Variants in SPOCK3 observed in about 807,000 individuals in gnomAD.
The protein encoded by SPOCK3 is testican-3.
SPOCK3 carries 30 observed loss-of-function variants against 56.6 expected under a neutral mutation model. The observed-to-expected ratio is 0.53, with a 90% CI of 0.40 to 0.72. SPOCK3 has a LOEUF of 0.72. Among genes scored for constraint, SPOCK3 ranks in the 30% least tolerant of loss-of-function variants. The probability of loss-of-function intolerance (pLI) is 0.00; values close to 1 mark genes in which losing one functional copy is unlikely to be tolerated. For missense variants in SPOCK3, 527 were observed against 530.0 expected (o/e 0.99, Z 0.06); for synonymous variants, 196 against 183.3 (o/e 1.07, Z -0.56).
At chr4:166,900,564 G>A (rs1735931094) in intron 5 of SPOCK3, among the ~76,000 whole-genome samples, 1 of 152,124 alleles carries the variant, frequency 6.6e-6, no homozygotes, top group African/African-American at 2.4e-5. Context: ...TTCCCTGCCA[G>A]CAACTGCAGG....
intron 10 of SPOCK3, among the ~76,000 whole-genome samples, chr4:166,736,553 G>A (rs972898818): frequency 6.6e-6 from 1 of 151,904 alleles, no homozygotes; most frequent in Non-Finnish European, 1.5e-5. Flanking sequence ...TACTTTTATT[G>A]TTTATCTTTT....
intron 2 of SPOCK3, among the ~76,000 whole-genome samples, chr4:167,127,044 A>C (rs887234114): frequency 1.3e-5 from 2 of 152,148 alleles, no homozygotes; most frequent in African/African-American, 4.8e-5. Flanking sequence ...ACCATTATGG[A>C]CCAGCAATAG....
chr4:166,934,405 G>A (rs975789362), intron 4 of SPOCK3, among the ~76,000 whole-genome samples: 1 of 151,784 alleles, frequency 6.6e-6, no homozygotes, highest in African/African-American at 2.4e-5. Flanking sequence ...GGCTGAGGCA[G>A]CAGAATGGCG....
chr4:166,823,422 C>A (rs1745142010), intron 6 of SPOCK3, among the ~76,000 whole-genome samples: 1 of 152,028 alleles, frequency 6.6e-6, no homozygotes, highest in African/African-American at 2.4e-5. Flanking sequence ...AAGAGGTAAA[C>A]TTTCATTGTG....
intron 4 of SPOCK3, among the ~76,000 whole-genome samples, chr4:166,972,907 A>G (rs1178969792): frequency 6.6e-6 from 1 of 152,208 alleles, no homozygotes; most frequent in Non-Finnish European, 1.5e-5. Flanking sequence ...AGTAGTTTGG[A>G]TAAACTTGGA....
intron 2 of SPOCK3, among the ~76,000 whole-genome samples, chr4:167,197,909 C>CT (rs1733119237): frequency 6.6e-6 from 1 of 152,130 alleles, no homozygotes. Context: ...TCATTCTCTC[C>CT]GATTCCAAAA....
chr4:166,844,444 AT>A (rs1240481189), intron 6 of SPOCK3, among the ~76,000 whole-genome samples: 2 of 152,160 alleles, frequency 1.3e-5, no homozygotes, highest in African/African-American at 2.4e-5. Flanking sequence ...CTGTGAAGGC[AT>A]TTTTTTAGAT....
intron 7 of SPOCK3, among the ~76,000 whole-genome samples, chr4:166,771,858 A>G (rs529691839): frequency 4.6e-5 from 7 of 152,168 alleles, no homozygotes; most frequent in Non-Finnish European, 8.8e-5. Flanking sequence ...AATTATTTAT[A>G]TTAGCTGTTT....
At chr4:166,939,403 A>C (rs1309631655) in intron 4 of SPOCK3, among the ~76,000 whole-genome samples, 1 of 152,200 alleles carries the variant, frequency 6.6e-6, no homozygotes, top group African/African-American at 2.4e-5. Context: ...AAATAATAAG[A>C]ACAAAGCAAT....
At chr4:166,766,107 T>A (rs1045810808) in intron 7 of SPOCK3, among the ~76,000 whole-genome samples, 4 of 152,206 alleles carry the variant, frequency 2.6e-5, no homozygotes, top group Non-Finnish European at 4.4e-5. Context: ...TAGGGTTTTC[T>A]AAATATACAA....
intron 2 of SPOCK3, chr4:167,119,720 G>C (rs1362420564): frequency 9.6e-7 from 1 of 1,040,332 alleles, no homozygotes; most frequent in Non-Finnish European, 1.4e-6. Flanking sequence ...AATAGAGAAC[G>C]TTATGTCTAT....
intron 2 of SPOCK3, among the ~76,000 whole-genome samples, chr4:167,170,789 T>G (rs965241972): frequency 4.1e-4 from 62 of 152,130 alleles, no homozygotes; most frequent in African/African-American, 1.4e-3. Flanking sequence ...AACATCATGT[T>G]TCAGAATGTG....
At chr4:167,050,821 C>T (rs913770600) in intron 3 of SPOCK3, among the ~76,000 whole-genome samples, 34 of 152,062 alleles carry the variant, frequency 2.2e-4, no homozygotes, top group African/African-American at 8.2e-4. Flanking sequence ...TATGATTCCA[C>T]TTATAGGAGA....
rs72975555 is a variant in SPOCK3 at position 167,184,870 on chromosome 4, G to C, written c.189+49115C>G. The stretch of plus-strand genomic sequence containing the variant: ...AATGGAAGGCAATTGGTGTTGAAGA[G>C]TGAGCTGGGGTAAGTCTAGTAGTAG... On this transcript the variant is annotated intron_variant, in intron 2 of 10. Transcript: ENST00000357545. Among the ~76,000 whole-genome samples the C allele has an allele frequency of 9.0e-3, 1,371 of 152,282 alleles. 17 individuals carry two copies. Among genetic ancestry groups the C allele is most frequent in the African/African-American group, 0.031 (1,280 of 41,536 alleles).
At chr4:167,186,466 A>C (rs1466539920) in intron 2 of SPOCK3, among the ~76,000 whole-genome samples, 1 of 152,076 alleles carries the variant, frequency 6.6e-6, no homozygotes, top group South Asian at 2.1e-4. Context: ...ATCTCTACTG[A>C]AAATACAAAA....
chr4:167,180,154 G>A (rs1731321675), intron 2 of SPOCK3, among the ~76,000 whole-genome samples: 1 of 152,080 alleles, frequency 6.6e-6, no homozygotes, highest in African/African-American at 2.4e-5. Flanking sequence ...AGCCTTCCTT[G>A]GGAGCACCTT....
At chr4:167,220,463 C>T (rs1162058878) in intron 2 of SPOCK3, among the ~76,000 whole-genome samples, 1 of 146,662 alleles carries the variant, frequency 6.8e-6, no homozygotes, top group Non-Finnish European at 1.5e-5. Flanking sequence ...ACTGCAGCCT[C>T]TACCTCCTGG....
intron 2 of SPOCK3, among the ~76,000 whole-genome samples, chr4:167,102,796 A>G (rs1580297252): frequency 6.6e-6 from 1 of 152,170 alleles, no homozygotes; most frequent in South Asian, 2.1e-4. Flanking sequence ...AAGGCATTCT[A>G]GGCCATAAGG....
At chr4:166,982,253 T>C (rs1477074444) in intron 4 of SPOCK3, among the ~76,000 whole-genome samples, 2 of 152,198 alleles carry the variant, frequency 1.3e-5, no homozygotes, top group African/African-American at 4.8e-5. Context: ...ATCAGTGTAG[T>C]GGAAGATATA....
Sources: allele counts gnomAD v4.1 joint callset (sites outside exome capture counted in the v4.1 genomes callset), GRCh38; gene constraint gnomAD v4.1.1; transcripts MANE v1.5; gene names NCBI Gene and HGNC (gene_info 2026-07-23, HGNC 2026-07-21).